Variants in RELN observed in about 807,000 individuals in gnomAD.
RELN encodes reelin.
A neutral mutation model predicts 427.6 loss-of-function variants in RELN; 108 were observed. The observed-to-expected ratio is 0.25, with a 90% confidence interval of 0.22 to 0.30. RELN has a LOEUF of 0.30. Among genes scored for constraint, RELN ranks in the 10% least tolerant of loss-of-function variants. The pLI, the probability that RELN is intolerant of heterozygous loss-of-function variation, is 1.00. For synonymous variants in RELN, 1,524 were observed against 1,513.4 expected (o/e 1.01, Z -0.16); for missense variants, 3,715 against 4,302.8 (o/e 0.86, Z 3.82).
chr7:103,498,830 G>T (rs78062289), intron 53 of RELN, among the ~76,000 whole-genome samples: 1 of 136,748 alleles, frequency 7.3e-6, no homozygotes, highest in African/African-American at 3.0e-5. Flanking sequence ...AAGTTAGTTA[G>T]TTATTTAAGC....
intron 3 of RELN, among the ~76,000 whole-genome samples, chr7:103,796,802 A>C (rs1187445210): frequency 6.8e-6 from 1 of 146,704 alleles, no homozygotes; most frequent in Non-Finnish European, 1.5e-5. Flanking sequence ...CGGAGGTTGC[A>C]GTGAGCCAAG....
intron 8 of RELN, among the ~76,000 whole-genome samples, chr7:103,715,522 T>C (rs1259903145): frequency 1.3e-5 from 2 of 152,228 alleles, no homozygotes; most frequent in Non-Finnish European, 2.9e-5. Context: ...TGTCCCTCAG[T>C]CACTTTCCTG....
intron 60 of RELN, among the ~76,000 whole-genome samples, chr7:103,488,853 A>G (rs1254212404): frequency 6.6e-6 from 1 of 152,228 alleles, no homozygotes; most frequent in African/African-American, 2.4e-5. Flanking sequence ...TGATGGGGAT[A>G]TCATAGATAA....
intron 1 of RELN, among the ~76,000 whole-genome samples, chr7:103,917,854 T>G (rs1795521080): frequency 6.6e-6 from 1 of 152,106 alleles, no homozygotes; most frequent in South Asian, 2.1e-4. Context: ...TATATACGTA[T>G]GCTACTCAGG....
chr7:103,902,231 T>C (rs968794613), intron 2 of RELN, among the ~76,000 whole-genome samples: 2 of 152,048 alleles, frequency 1.3e-5, no homozygotes, highest in African/African-American at 4.8e-5. Context: ...CCCAGTTAAG[T>C]TCTTCTCTTA....
chr7:103,599,424 A>G (rs1831613557), intron 24 of RELN, among the ~76,000 whole-genome samples: 1 of 152,148 alleles, frequency 6.6e-6, no homozygotes. Context: ...TCATATGATC[A>G]CTTATTAATT....
chr7:103,669,087 G>A lies in RELN; in HGVS notation c.1290-7560C>T, dbSNP rs1032194241. Among the ~76,000 whole-genome samples, 7 of 152,002 alleles carry A rather than the reference G, an allele frequency of 4.6e-5. No homozygotes were observed. In the East Asian group the frequency reaches 5.8e-4, roughly 13 times the overall value. On this transcript the variant is annotated intron_variant, in intron 11 of 64. Coordinates refer to ENST00000428762, the MANE Select transcript of RELN (RefSeq NM_005045.4). ...CATTGTGTGAGATATGATTCAGACC[G>A]TATAATAACTTTTAATCTTTATTTA...
At chr7:103,607,318 T>C (rs1831844215) in intron 22 of RELN, among the ~76,000 whole-genome samples, 1 of 152,110 alleles carries the variant, frequency 6.6e-6, no homozygotes, top group Admixed American at 6.6e-5. Flanking sequence ...GAAAAAGAGA[T>C]TGAATATTGG....
chr7:103,500,708 T>C (rs756099735), intron 53 of RELN, 37 bp downstream of exon 53: 1 of 1,606,746 alleles, frequency 6.2e-7, no homozygotes, highest in Non-Finnish European at 8.5e-7. Context: ...TGACCCATGA[T>C]GTGAGTAATG....
At chr7:103,960,141 C>A (rs1327644889) in intron 1 of RELN, among the ~76,000 whole-genome samples, 1 of 152,110 alleles carries the variant, frequency 6.6e-6, no homozygotes, top group Non-Finnish European at 1.5e-5. Flanking sequence ...GGCTCAAAAC[C>A]CTTCAAAATG....
rs76492457 is a variant in RELN at position 103,706,896 on chromosome 7, C to T, written c.806-5890G>A. Reference sequence around the variant, plus strand: ...AGAAATATCATGTGTACTTGGGCATCACTTTCTCTGCACATTCCCTGACCA... The same window carrying T: ...AGAAATATCATGTGTACTTGGGCATTACTTTCTCTGCACATTCCCTGACCA... On this transcript the variant is annotated intron_variant, in intron 8 of 64. Transcript: ENST00000428762. 5.1e-3 allele frequency among the ~76,000 whole-genome samples: 772 copies of T among 152,316 alleles called. 6 individuals are homozygous for T. Among genetic ancestry groups the T allele is most frequent in the Non-Finnish European group, 6.4e-3 (433 of 68,030 alleles).
At chr7:103,562,631 G>T (rs774007175) in intron 34 of RELN, among the ~76,000 whole-genome samples, 10 of 152,196 alleles carry the variant, frequency 6.6e-5, no homozygotes, top group Admixed American at 1.3e-4. Context: ...TTGCATAGAA[G>T]TGTGTTTGTC....
Position 103,654,183 on chromosome 7 carries a change from A to G in RELN, c.1464T>C (p.Asn488=). 6.2e-7 allele frequency: 1 copy of G among 1,611,188 alleles called. No individual in the cohort carries two copies. The highest frequency in any genetic ancestry group is 1.3e-5 in the African/African-American group (1 of 74,926). The change falls in exon 13 of 65, where the codon AAT becomes AAC. Residue 488 remains asparagine (N), a synonymous_variant. Coordinates refer to ENST00000428762, the MANE Select transcript of RELN (RefSeq NM_005045.4). ...FVMGGICDPG[N]SHENDIILYA... ...ACAGGATTATGTCATTTTCATGAGA[A>G]TTTCCAGGGTCACAAATTCCTCCTG...
chr7:103,693,480 T>C (rs569921146), intron 10 of RELN, among the ~76,000 whole-genome samples: 11 of 151,726 alleles, frequency 7.2e-5, no homozygotes, highest in African/African-American at 2.4e-4. Flanking sequence ...ACCTGCATGT[T>C]CTGCACGTGT....
chr7:103,707,809 C>A (rs1241734493), intron 8 of RELN, among the ~76,000 whole-genome samples: 1 of 152,040 alleles, frequency 6.6e-6, no homozygotes, highest in Non-Finnish European at 1.5e-5. Context: ...AAATCTATTT[C>A]TTTTTTTACA....
intron 2 of RELN, among the ~76,000 whole-genome samples, chr7:103,867,803 G>A (rs916414650): frequency 6.6e-6 from 1 of 151,834 alleles, no homozygotes; most frequent in Non-Finnish European, 1.5e-5. Flanking sequence ...TTACAGAATA[G>A]TAAGAGAGAA....
intron 2 of RELN, among the ~76,000 whole-genome samples, chr7:103,901,661 G>C (rs3915121): frequency 6.6e-6 from 1 of 152,008 alleles, no homozygotes; most frequent in Non-Finnish European, 1.5e-5. Flanking sequence ...GTCACATGTT[G>C]TATGTTTCCA....
intron 2 of RELN, among the ~76,000 whole-genome samples, chr7:103,834,922 C>T (rs1264687136): frequency 1.3e-5 from 2 of 152,132 alleles, no homozygotes; most frequent in African/African-American, 4.8e-5. Context: ...ATATTTTTAC[C>T]ATATGATGTA....
At chr7:103,673,400 C>T (rs1431818914) in intron 11 of RELN, among the ~76,000 whole-genome samples, 1 of 152,100 alleles carries the variant, frequency 6.6e-6, no homozygotes, top group Admixed American at 6.5e-5. Context: ...TATTTTATTT[C>T]CTTTTTCTGT....
Sources: gnomAD v4.1 joint callset for allele counts (sites outside exome capture counted in the v4.1 genomes callset) on GRCh38, gnomAD v4.1.1 for gene constraint, MANE v1.5 for transcripts, NCBI Gene and HGNC (gene_info 2026-07-23, HGNC 2026-07-21) for gene names.